The following NT5C2 variants were observed in gnomAD, a reference collection of about 807,000 sequenced individuals.
The protein encoded by NT5C2 is cytosolic purine 5'-nucleotidase.
NT5C2 carries 58 observed loss-of-function variants against 76.1 expected under a neutral mutation model. The ratio of observed to expected loss-of-function variants is 0.76; its 90% CI spans 0.62 to 0.95. The LOEUF (loss-of-function observed/expected upper bound fraction) is 0.95, where lower values mean the gene tolerates loss of function less well. Among genes scored for constraint, NT5C2 ranks in the 40% least tolerant of loss-of-function variants. The pLI is 0.00. For missense variants in NT5C2, 478 were observed against 690.3 expected (o/e 0.69, Z 3.45); for synonymous variants, 229 against 237.4 (o/e 0.96, Z 0.32).
intron 4 of NT5C2, among the ~76,000 whole-genome samples, chr10:103,122,402 CTTCT>C (rs1371378063): frequency 1.3e-5 from 2 of 152,124 alleles, no homozygotes; most frequent in East Asian, 3.8e-4. Flanking sequence ...TAAGGATGAT[CTTCT>C]TTGTTTATGG....
chr10:103,145,132 TTA>T (rs2081251562), intron 3 of NT5C2, among the ~76,000 whole-genome samples: 1 of 152,192 alleles, frequency 6.6e-6, no homozygotes, highest in African/African-American at 2.4e-5. Context: ...AACAGCTGTA[TTA>T]TAGAGAACTG....
At chr10:103,094,638 C>CT (rs1477105426) in intron 12 of NT5C2, 183 bp from the exon 13 acceptor site, 1 of 534,832 alleles carries the variant, frequency 1.9e-6, no homozygotes, top group Non-Finnish European at 3.3e-6. Flanking sequence ...AATCCCAGTA[C>CT]TTTGGGAGGC....
intron 1 of NT5C2, among the ~76,000 whole-genome samples, chr10:103,191,542 G>C (rs989256441): frequency 6.6e-6 from 1 of 152,196 alleles, no homozygotes; most frequent in African/African-American, 2.4e-5. Context: ...TCTTTAGGAA[G>C]ATGTGATGTC....
intron 2 of NT5C2, chr10:103,175,709 G>C (rs1199211079): frequency 8.0e-6 from 2 of 250,532 alleles, no homozygotes; most frequent in African/African-American, 4.5e-5. Flanking sequence ...TCTGTGAACA[G>C]AACACATGAG....
intron 3 of NT5C2, among the ~76,000 whole-genome samples, chr10:103,150,701 T>C (rs1294684124): frequency 6.6e-6 from 1 of 152,248 alleles, no homozygotes; most frequent in African/African-American, 2.4e-5. Flanking sequence ...CAGTGGTATC[T>C]CACTATAGTT....
rs1408043048 is a variant in NT5C2, at chr10:103,088,639, G to A, written c.*1033C>T. 8 of 168,170 alleles carry A rather than the reference G, an allele frequency of 4.8e-5. No homozygotes were observed. Among genetic ancestry groups the A allele is most frequent in the African/African-American group, 7.2e-5 (3 of 41,930 alleles). The allele number at this position is 168,170 out of a possible 1,614,324, so 10.4% of individuals were successfully genotyped here. ...CGACCTCAGGTGATCCGCCTGTCTC[G>A]GCCTCCCAAAGTGCTGGGATTACAG... On this transcript the variant is annotated 3_prime_UTR_variant, in exon 19 of 19. Coordinates refer to ENST00000404739, the MANE Select transcript of NT5C2 (RefSeq NM_001351169.2).
intron 3 of NT5C2, among the ~76,000 whole-genome samples, chr10:103,173,611 C>CAAAAAA (rs1323084034): frequency 4.6e-5 from 2 of 43,176 alleles, no homozygotes; most frequent in Admixed American, 2.9e-4. Context: ...GACGCCGTCT[C>CAAAAAA]AAAAAAAAAA....
chr10:103,190,834 G>C (rs755627334), intron 1 of NT5C2, among the ~76,000 whole-genome samples: 1 of 152,176 alleles, frequency 6.6e-6, no homozygotes, highest in Non-Finnish European at 1.5e-5. Flanking sequence ...AAGAGCCTGT[G>C]TGCCAGGCAT....
chr10:103,107,481 C>T (rs979293824), intron 4 of NT5C2, among the ~76,000 whole-genome samples: 1 of 151,966 alleles, frequency 6.6e-6, no homozygotes, highest in African/African-American at 2.4e-5. Flanking sequence ...TCGAGACCAG[C>T]CTGACCAACA....
intron 1 of NT5C2, among the ~76,000 whole-genome samples, chr10:103,187,531 G>C (rs1417743679): frequency 6.7e-6 from 1 of 149,990 alleles, no homozygotes; most frequent in African/African-American, 2.5e-5. Flanking sequence ...CAGCCTGGGG[G>C]GCAGAGTGAG....
chr10:103,114,726 A>T (rs1184612464), intron 4 of NT5C2, among the ~76,000 whole-genome samples: 2 of 152,222 alleles, frequency 1.3e-5, no homozygotes, highest in Admixed American at 6.5e-5. Context: ...CAGTCTATTC[A>T]TCCCAAGAAA....
chr10:103,190,144 G>A (rs1247998047), intron 1 of NT5C2, among the ~76,000 whole-genome samples: 1 of 149,888 alleles, frequency 6.7e-6, no homozygotes, highest in African/African-American at 2.5e-5. Context: ...GGGATTACAG[G>A]CATGCGCTAC....
chr10:103,189,648 A>AT (rs906527581), intron 1 of NT5C2, among the ~76,000 whole-genome samples: 11 of 151,376 alleles, frequency 7.3e-5, no homozygotes, highest in African/African-American at 1.2e-4. Flanking sequence ...GACTGTCATA[A>AT]TTTTTTTAAC....
At chr10:103,094,955 A>C (rs984038621) in intron 12 of NT5C2, among the ~76,000 whole-genome samples, 2 of 152,224 alleles carry the variant, frequency 1.3e-5, no homozygotes, top group African/African-American at 4.8e-5. Context: ...TAAATAATAA[A>C]TAACTGTAAT....
chr10:103,100,146 A>C, intron 8 of NT5C2, 127 bp from the exon 9 acceptor site: 1 of 593,738 alleles, frequency 1.7e-6, no homozygotes, highest in Non-Finnish European at 3.0e-6. Flanking sequence ...AATGAGGAAA[A>C]TAATTACTCC....
Position 103,114,852 on chromosome 10 carries a change from A to C in NT5C2, c.176-8146T>G, listed in dbSNP as rs61870853. On this transcript the variant is annotated intron_variant, in intron 4 of 18. Coordinates refer to ENST00000404739, the MANE Select transcript of NT5C2 (RefSeq NM_001351169.2). ...TTCACTAGATTATCAAAACCGAACA[A>C]ATGTTCCCAGTGACAGAATCACAAC... Among the ~76,000 whole-genome samples, 1,342 of 152,296 alleles carry C rather than the reference A, an allele frequency of 8.8e-3. 12 individuals carry two copies. The highest frequency in any genetic ancestry group is 0.017 in the Middle Eastern group (5 of 294).
At chr10:103,097,672 AAG>A (rs1365755424) in intron 10 of NT5C2, among the ~76,000 whole-genome samples, 3 of 152,358 alleles carry the variant, frequency 2.0e-5, no homozygotes, top group Middle Eastern at 3.4e-3. Context: ...TGCCTCAGGA[AAG>A]AGTTTAAATT....
chr10:103,165,879 A>G (rs2086248623), intron 3 of NT5C2, among the ~76,000 whole-genome samples: 1 of 152,156 alleles, frequency 6.6e-6, no homozygotes, highest in Non-Finnish European at 1.5e-5. Flanking sequence ...CATGTTAGTC[A>G]GGCTAGTCTC....
chr10:103,186,915 A>T (rs1044034909), intron 1 of NT5C2, among the ~76,000 whole-genome samples: 1 of 149,896 alleles, frequency 6.7e-6, no homozygotes, highest in Non-Finnish European at 1.5e-5. Flanking sequence ...TCCGTCTCAA[A>T]AAAAAAAAAA....
Sources: allele counts gnomAD v4.1 joint callset (sites outside exome capture counted in the v4.1 genomes callset), GRCh38; gene constraint gnomAD v4.1.1; transcripts MANE v1.5; gene names NCBI Gene and HGNC (gene_info 2026-07-23, HGNC 2026-07-21).